PRKAG2: variants seen among roughly 807,000 people sequenced by gnomAD.
PRKAG2 encodes protein kinase AMP-activated non-catalytic subunit gamma 2.
PRKAG2 carries 26 observed loss-of-function variants against 69.6 expected under a neutral mutation model. The observed-to-expected ratio is 0.37, with a 90% CI of 0.27 to 0.52. The LOEUF (loss-of-function observed/expected upper bound fraction) is 0.52. PRKAG2 is among the 20% of genes least tolerant of loss of function. The pLI is 0.90. For synonymous variants in PRKAG2, 293 were observed against 285.0 expected, an observed-to-expected ratio of 1.03 and a Z score of -0.28; for missense variants, 557 against 740.0, an observed-to-expected ratio of 0.75 and a Z score of 2.87.
At chr7:151,792,961 C>T (rs1405641524) in intron 1 of PRKAG2, among the ~76,000 whole-genome samples, 1 of 152,186 alleles carries the variant, frequency 6.6e-6, no homozygotes, top group Non-Finnish European at 1.5e-5. Flanking sequence ...GAGCCGGAGC[C>T]CCAGCTCTGT....
At chr7:151,735,927 G>A (rs781013116) in intron 3 of PRKAG2, 52 of 1,536,182 alleles carry the variant, frequency 3.4e-5, no homozygotes, top group East Asian at 2.2e-4. Flanking sequence ...TCCGACTGGC[G>A]CCTCTCCGTG....
At chr7:151,838,708 A>G (rs948041546) in intron 1 of PRKAG2, among the ~76,000 whole-genome samples, 2 of 143,368 alleles carry the variant, frequency 1.4e-5, no homozygotes, top group African/African-American at 5.2e-5. Flanking sequence ...CCCTGTTTCA[A>G]AAAAAAAAAA....
At chr7:151,641,682 G>A (rs532592122) in intron 4 of PRKAG2, among the ~76,000 whole-genome samples, 2 of 150,508 alleles carry the variant, frequency 1.3e-5, no homozygotes, top group Non-Finnish European at 3.0e-5. Context: ...GTACCTGGGA[G>A]TGCCAGCACG....
intron 4 of PRKAG2, among the ~76,000 whole-genome samples, chr7:151,649,849 T>G (rs945494646): frequency 2.0e-5 from 3 of 152,086 alleles, no homozygotes; most frequent in African/African-American, 7.2e-5. Context: ...GTGAGCCAAT[T>G]AAACCTCTTT....
At chr7:151,619,608 T>C (rs1820984796) in intron 5 of PRKAG2, among the ~76,000 whole-genome samples, 1 of 152,178 alleles carries the variant, frequency 6.6e-6, no homozygotes, top group South Asian at 2.1e-4. Context: ...TTGTATAAAA[T>C]AACTTCAGAC....
At chr7:151,832,383 C>T (rs77954465) in intron 1 of PRKAG2, among the ~76,000 whole-genome samples, 6,407 of 152,184 alleles carry the variant, frequency 0.042, 153 homozygotes, top group Middle Eastern at 0.068. Flanking sequence ...GCAGAAGCTC[C>T]GACTTCTGGG....
intron 3 of PRKAG2, among the ~76,000 whole-genome samples, chr7:151,763,105 G>A (rs1057176601): frequency 1.3e-5 from 2 of 152,170 alleles, no homozygotes; most frequent in African/African-American, 4.8e-5. Flanking sequence ...AACTGAAAAC[G>A]TCCATTAAAC....
rs143892597 is a variant in PRKAG2 at position 151,607,813 on chromosome 7, C to T, written c.755-12359G>A. Among the ~76,000 whole-genome samples the T allele has an allele frequency of 2.2e-4, 33 of 152,318 alleles. 1 individual carries two copies. In the East Asian group the frequency reaches 6.4e-3, roughly 29 times the overall value. On this transcript the variant is annotated intron_variant, in intron 5 of 15. Transcript: ENST00000287878. ...ATTCTTTCTTCCTCAACAGTGCCTT[C>T]CCTGTTCTCCTATGGTCACCTGACA...
chr7:151,773,091 GAGGGA>G (rs1563640774), intron 3 of PRKAG2, among the ~76,000 whole-genome samples: 5 of 70,130 alleles, frequency 7.1e-5, no homozygotes, highest in East Asian at 4.5e-4. Context: ...GGGAGGGAGG[GAGGGA>G]AGGGAAGGGA....
chr7:151,688,132 C>A (rs1328389525), intron 3 of PRKAG2, among the ~76,000 whole-genome samples: 1 of 144,162 alleles, frequency 6.9e-6, no homozygotes, highest in Non-Finnish European at 1.5e-5. Context: ...CAATAGGAGA[C>A]CTGGGGGACT....
chr7:151,869,707 C>T (rs868781297), intron 1 of PRKAG2, among the ~76,000 whole-genome samples: 9 of 152,258 alleles, frequency 5.9e-5, no homozygotes, highest in African/African-American at 1.7e-4. Context: ...CGTGCTCAAG[C>T]GGCATTGGGC....
At chr7:151,852,850 C>T (rs1368586026) in intron 1 of PRKAG2, among the ~76,000 whole-genome samples, 2 of 152,224 alleles carry the variant, frequency 1.3e-5, no homozygotes, top group Non-Finnish European at 2.9e-5. Flanking sequence ...CCCCGCCTCT[C>T]TCCTATCTCA....
chr7:151,769,651 C>A (rs531921453), intron 3 of PRKAG2, among the ~76,000 whole-genome samples: 3 of 152,224 alleles, frequency 2.0e-5, no homozygotes, highest in African/African-American at 7.2e-5. Flanking sequence ...GGAATCCGGG[C>A]AGCTTAGGCC....
intron 3 of PRKAG2, among the ~76,000 whole-genome samples, chr7:151,702,037 G>A (rs1837799246): frequency 6.6e-6 from 1 of 152,114 alleles, no homozygotes; most frequent in African/African-American, 2.4e-5. Flanking sequence ...GCTCTGTTGT[G>A]TATGGTAGCC....
At chr7:151,623,554 CAGT>C (rs1203564043) in intron 5 of PRKAG2, among the ~76,000 whole-genome samples, 18 of 152,180 alleles carry the variant, frequency 1.2e-4, no homozygotes, top group African/African-American at 4.3e-4. Context: ...CGATTCCTAA[CAGT>C]AGTGGTCTGT....
chr7:151,632,286 G>C lies in PRKAG2; in HGVS notation c.685-148C>G. The C allele has an allele frequency of 1.0e-6, 1 of 970,228 alleles. No homozygotes were observed. The highest frequency in any genetic ancestry group is 1.2e-6 in the Non-Finnish European group (1 of 814,634). The allele number at this position is 970,228 out of a possible 1,614,324, so 60.1% of individuals were successfully genotyped here. A position where few individuals can be genotyped will look rare whatever the true frequency, so the allele number is the denominator to read the frequency against. ...CAGGGGACGCGGGCAGCGGGGGCCG[G>C]GGGCGGAGCGGGAGCGCTGCCCCCA... is the stretch of plus-strand genomic sequence containing the variant. On this transcript the variant is annotated intron_variant, in intron 4 of 15. Coordinates refer to ENST00000287878, the MANE Select transcript of PRKAG2 (RefSeq NM_016203.4). This position sits in a 1 kb window ranked among gnomAD's most constrained non-coding sequence, Gnocchi z 4.2.
Position 151,675,767 on chromosome 7 carries a change from C to G in PRKAG2, c.467-130G>C, listed in dbSNP as rs1473731978. On this transcript the variant is annotated intron_variant, in intron 3 of 15. Coordinates refer to ENST00000287878, the MANE Select transcript of PRKAG2 (RefSeq NM_016203.4). ...AGGTCCGGCCTCCAGGAAGGGACGT[C>G]GGGGGCAGTCAGAGGTCCGGCCTCC... 1.5e-4 allele frequency: 129 copies of G among 879,082 alleles called. No homozygotes were observed. The African/African-American group carries it at 1.9e-3, about 13-fold the overall frequency. The allele number at this position is 879,082 out of a possible 1,614,324, so 54.5% of individuals were successfully genotyped here. A position where few individuals can be genotyped will look rare whatever the true frequency, so the allele number is the denominator to read the frequency against.
intron 1 of PRKAG2, among the ~76,000 whole-genome samples, chr7:151,863,090 T>C (rs2079976477): frequency 6.7e-6 from 1 of 149,286 alleles, no homozygotes. Flanking sequence ...GGGGCGCTGG[T>C]AGGTCCCCGG....
At chr7:151,800,173 T>A (rs180808133) in intron 1 of PRKAG2, among the ~76,000 whole-genome samples, 1 of 151,750 alleles carries the variant, frequency 6.6e-6, no homozygotes, top group Non-Finnish European at 1.5e-5. Context: ...CTGGCTAACA[T>A]GGTGAAACCC....
Sources: gnomAD v4.1 joint callset for allele counts (sites outside exome capture counted in the v4.1 genomes callset) on GRCh38, gnomAD v4.1.1 for gene constraint, Gnocchi (gnomAD v3.1) non-coding constraint, MANE v1.5 for transcripts, NCBI Gene and HGNC (gene_info 2026-07-23, HGNC 2026-07-21) for gene names.